SPATC1: variants seen among roughly 807,000 people sequenced by gnomAD.
SPATC1 encodes spermatogenesis and centriole associated 1.
In SPATC1, 35 loss-of-function variants were observed where a neutral mutation model predicts 36.5. The ratio of observed to expected loss-of-function variants is 0.96; its 90% CI spans 0.73 to 1.27. The LOEUF is 1.27. Among genes scored for constraint, SPATC1 ranks in the 50% most tolerant of loss-of-function variants. The pLI, the probability that SPATC1 is intolerant of heterozygous loss-of-function variation, is 0.00. For missense variants in SPATC1, 779 were observed against 796.0 expected (o/e 0.98, Z 0.26); for synonymous variants, 361 against 353.6 (o/e 1.02, Z -0.24).
At chr8:144,037,901 G>A (rs564500802) in intron 1 of SPATC1, among the ~76,000 whole-genome samples, 328 of 151,750 alleles carry the variant, frequency 2.2e-3, no homozygotes, top group Middle Eastern at 6.8e-3. Flanking sequence ...AGGCCAAGGC[G>A]GGCAGATCAT....
At position 144,012,294 on chromosome 8, in the gene SPATC1, G is replaced by T; in HGVS notation, c.-222G>T. 1.8e-6 allele frequency: 1 copy of T among 565,166 alleles called. No homozygotes were observed. The highest frequency in any genetic ancestry group is 3.2e-6 in the Non-Finnish European group (1 of 315,954). 35.0% of individuals were successfully genotyped at this position (565,166 alleles called of 1,614,324 possible). A position where few individuals can be genotyped will look rare whatever the true frequency, so the allele number is the denominator to read the frequency against. ...AAAAGGTCAGGACATTCCAGGCCGA[G>T]GCAAGGCCTGTGTACAGGCCTGGTG... On this transcript the variant is annotated 5_prime_UTR_variant, in exon 1 of 5. It adds an upstream start codon to the 5' untranslated region. Coordinates refer to ENST00000377470, the MANE Select transcript of SPATC1 (RefSeq NM_198572.3).
chr8:144,042,165 TG>T, intron 4 of SPATC1: 1 of 278,948 alleles, frequency 3.6e-6, no homozygotes, highest in Non-Finnish European at 5.4e-6. Flanking sequence ...CCTCTTTTTT[TG>T]ACACAGCCCA....
Position 144,032,098 on chromosome 8 carries a change from A to G in SPATC1, c.212-7811A>G, listed in dbSNP as rs945984666. On this transcript the variant is annotated intron_variant, in intron 1 of 4. Coordinates refer to ENST00000377470, the MANE Select transcript of SPATC1 (RefSeq NM_198572.3). ...CTCCTTCCAGGACTTCTATTAGAGT[A>G]TGTTGCTATGCTTGATGGTGTCCCA... Among the ~76,000 whole-genome samples the G allele has an allele frequency of 2.6e-3, 391 of 151,468 alleles. 2 individuals are homozygous for G. The highest frequency in any genetic ancestry group is 9.0e-3 in the African/African-American group (371 of 41,194).
At chr8:144,027,831 A>G (rs1834716156) in intron 1 of SPATC1, among the ~76,000 whole-genome samples, 1 of 152,024 alleles carries the variant, frequency 6.6e-6, no homozygotes, top group Non-Finnish European at 1.5e-5. Flanking sequence ...CATCTCTACT[A>G]AAAATACAAA....
intron 4 of SPATC1, among the ~76,000 whole-genome samples, chr8:144,042,737 G>A (rs1554756298): frequency 6.6e-6 from 1 of 152,164 alleles, no homozygotes; most frequent in African/African-American, 2.4e-5. Flanking sequence ...CCACTGCTAG[G>A]CGAGTGGCCC....
At position 144,044,977 on chromosome 8, in the gene SPATC1, T is replaced by G. The variant is rs574915429; in HGVS notation, c.1447-1650T>G. Among the ~76,000 whole-genome samples, 71 of 152,328 alleles carry G rather than the reference T, an allele frequency of 4.7e-4. 1 individual carries two copies. The East Asian group carries it at 0.013, about 28-fold the overall frequency. ...ACAACAACAAAAAGACACAACTCGC[T>G]GCATTGAGATGTGAGTGCACTGCCA... On this transcript the variant is annotated intron_variant, in intron 4 of 4. Transcript: ENST00000377470.
In SPATC1 at chr8:144,012,378, C is replaced by T; in HGVS notation, c.-138C>T. ...GCAAGGAAGAGGGCACAGCCTCTGA[C>T]CTCACAATACCCAGGGCCCACTGGG... On this transcript the variant is annotated 5_prime_UTR_variant, in exon 1 of 5. Coordinates refer to ENST00000377470, the MANE Select transcript of SPATC1 (RefSeq NM_198572.3). 1 of 685,426 alleles carries T rather than the reference C, an allele frequency of 1.5e-6. No individual in the cohort carries two copies. The highest frequency in any genetic ancestry group is 2.7e-5 in the East Asian group (1 of 36,948). The allele number at this position is 685,426 out of a possible 1,614,324, so 42.5% of individuals were successfully genotyped here. A position where few individuals can be genotyped will look rare whatever the true frequency, so the allele number is the denominator to read the frequency against.
At chr8:144,026,434 C>T (rs1834679509) in intron 1 of SPATC1, among the ~76,000 whole-genome samples, 1 of 152,084 alleles carries the variant, frequency 6.6e-6, no homozygotes, top group South Asian at 2.1e-4. Context: ...AGATTTTGTG[C>T]AGACATGTTT....
At chr8:144,043,881 G>C (rs1835184417) in intron 4 of SPATC1, among the ~76,000 whole-genome samples, 1 of 152,110 alleles carries the variant, frequency 6.6e-6, no homozygotes. Flanking sequence ...GGAAAGGCCT[G>C]GGTGCTGAGC....
chr8:144,037,766 C>A (rs371862751), intron 1 of SPATC1, among the ~76,000 whole-genome samples: 101 of 151,450 alleles, frequency 6.7e-4, no homozygotes, highest in Admixed American at 2.5e-3. Context: ...TGACCCTGCC[C>A]AATCCCCCTC....
chr8:144,041,282 C>T lies in SPATC1; in HGVS notation c.1357C>T (p.Leu453=). 1 of 1,613,100 alleles carries T rather than the reference C, an allele frequency of 6.2e-7. No individual in the cohort carries two copies. The highest frequency in any genetic ancestry group is 8.5e-7 in the Non-Finnish European group (1 of 1,179,990). ...ERLVGEIAFQ[L]DRRILSSIFP... ...GCTGGTGGGTGAGATTGCCTTCCAG[C>T]TGGACCGCAGGATCCTGTCCAGCAT... The change falls in exon 4 of 5, where the codon CTG becomes TTG. Residue 453 remains leucine, a synonymous_variant. Transcript: ENST00000377470.
At chr8:144,044,048 C>T (rs1835188816) in intron 4 of SPATC1, among the ~76,000 whole-genome samples, 1 of 152,226 alleles carries the variant, frequency 6.6e-6, no homozygotes, top group African/African-American at 2.4e-5. Context: ...CCCTGGTCCA[C>T]AGCCACCTTC....
chr8:144,038,376 T>G (rs1834970932), intron 1 of SPATC1, among the ~76,000 whole-genome samples: 1 of 146,846 alleles, frequency 6.8e-6, no homozygotes, highest in Admixed American at 6.8e-5. Flanking sequence ...GAGGTTGCAG[T>G]GAGCCGAGAT....
chr8:144,034,836 T>C (rs902389560), intron 1 of SPATC1, among the ~76,000 whole-genome samples: 1 of 152,136 alleles, frequency 6.6e-6, no homozygotes, highest in African/African-American at 2.4e-5. Context: ...TTGGCCAAGC[T>C]GGTCTCAATC....
At chr8:144,018,554 G>A (rs1055416462) in intron 1 of SPATC1, among the ~76,000 whole-genome samples, 1 of 151,998 alleles carries the variant, frequency 6.6e-6, no homozygotes, top group African/African-American at 2.4e-5. Flanking sequence ...ATGGGGTGGG[G>A]AGTGCCCTTG....
At position 144,016,082 on chromosome 8, in the gene SPATC1, A is replaced by AAAAG. The variant is rs1365647615; in HGVS notation, c.211+3372_211+3375dup. Among the ~76,000 whole-genome samples, 7 of 151,004 alleles carry AAAAG rather than the reference A, an allele frequency of 4.6e-5. No individual in the cohort carries two copies. Among genetic ancestry groups the AAAAG allele is most frequent in the East Asian group, 3.9e-4 (2 of 5,106 alleles). ...TCTGTCTCAAAAAAAAAAAAAAGAAAAAAGAAAGAAAGAAAGAAAAGAAAT... is the reference window on the plus strand; with the variant it reads ...TCTGTCTCAAAAAAAAAAAAAAGAAAAAAGAAAGAAAGAAAGAAAGAAAAGAAAT... On this transcript the variant is annotated intron_variant, in intron 1 of 4. Transcript: ENST00000377470. The surrounding 1 kb of genome is among the most constrained non-coding windows in gnomAD (Gnocchi z 4.5).
At position 144,045,927 on chromosome 8, in the gene SPATC1, C is replaced by T. The variant is rs1835247333; in HGVS notation, c.1447-700C>T. Among the ~76,000 whole-genome samples, 1 of 152,178 alleles carries T rather than the reference C, an allele frequency of 6.6e-6. No homozygotes were observed. Among genetic ancestry groups the T allele is most frequent in the African/African-American group, 2.4e-5 (1 of 41,448 alleles). On this transcript the variant is annotated intron_variant, in intron 4 of 4. Coordinates refer to ENST00000377470, the MANE Select transcript of SPATC1 (RefSeq NM_198572.3). The surrounding 1 kb of genome is among the most constrained non-coding windows in gnomAD (Gnocchi z 5.2). ...TACATGCCTTAGGGCGGGAGCCAGT[C>T]ACTGCCTGGCTGGTGGGAGGACACA... is the stretch of plus-strand genomic sequence containing the variant.
intron 1 of SPATC1, among the ~76,000 whole-genome samples, chr8:144,035,405 C>T (rs1305103469): frequency 6.6e-6 from 1 of 152,270 alleles, no homozygotes. Flanking sequence ...AGACAGTAGA[C>T]TGGCTTTGTA....
At chr8:144,012,259 C>T (rs183404587), upstream of SPATC1, among the ~76,000 whole-genome samples, 88 of 152,248 alleles carry the variant, frequency 5.8e-4, 2 homozygotes, top group Admixed American at 3.7e-3. Flanking sequence ...GTGAAGTTGG[C>T]GAGACAGAGA....
Sources: gnomAD v4.1 joint callset for allele counts (sites outside exome capture counted in the v4.1 genomes callset) on GRCh38, gnomAD v4.1.1 for gene constraint, Gnocchi (gnomAD v3.1) non-coding constraint, MANE v1.5 for transcripts, NCBI Gene and HGNC (gene_info 2026-07-23, HGNC 2026-07-21) for gene names.